The following C1orf21 variants were observed in gnomAD, a reference collection of about 807,000 sequenced individuals.
The protein encoded by C1orf21 is uncharacterized protein C1orf21.
A neutral mutation model predicts 18.7 loss-of-function variants in C1orf21; 3 were observed. That is an observed-to-expected ratio of 0.16 (90% CI 0.07 to 0.42). The LOEUF (loss-of-function observed/expected upper bound fraction) is 0.42. Ranked by LOEUF, C1orf21 falls within the 10% of genes least tolerant of loss-of-function variation. The pLI is 0.99. For missense variants in C1orf21, 104 were observed against 143.6 expected (o/e 0.72, Z 1.41); for synonymous variants, 41 against 46.4 (o/e 0.88, Z 0.47).
At chr1:184,447,641 C>G (rs1416210454) in intron 1 of C1orf21, among the ~76,000 whole-genome samples, 1 of 152,196 alleles carries the variant, frequency 6.6e-6, no homozygotes, top group African/African-American at 2.4e-5. Flanking sequence ...AAATATTCAT[C>G]AAACTCTTGG....
At chr1:184,617,760 G>A (rs891335889) in intron 5 of C1orf21, among the ~76,000 whole-genome samples, 38 of 152,136 alleles carry the variant, frequency 2.5e-4, no homozygotes, top group African/African-American at 8.9e-4. Flanking sequence ...TTAGCAATCT[G>A]ATGATGGAGG....
chr1:184,438,966 T>G (rs1018395930), intron 1 of C1orf21, among the ~76,000 whole-genome samples: 8 of 152,158 alleles, frequency 5.3e-5, no homozygotes, highest in African/African-American at 1.9e-4. Flanking sequence ...ATCCCAGCAC[T>G]TTAGGAGGCC....
In C1orf21 at chr1:184,554,216, C is replaced by T. The variant is rs191720947; in HGVS notation, c.190-36523C>T. Among the ~76,000 whole-genome samples the T allele has an allele frequency of 3.1e-3, 473 of 152,260 alleles. 1 individual carries two copies. The highest frequency in any genetic ancestry group is 5.8e-3 in the Non-Finnish European group (392 of 68,016). ...TTCTTCTTGTATCTTTTCCTTCCTA[C>T]CTTGATACCAGTAATTTGTAAGGGA... On this transcript the variant is annotated intron_variant, in intron 3 of 5. Transcript: ENST00000235307.
In C1orf21 at chr1:184,462,646, T is replaced by G. The variant is rs1000817427; in HGVS notation, c.-124-14740T>G. The stretch of plus-strand genomic sequence containing the variant: ...AAAGCAGCTGCTATTCATATTTTTT[T>G]GGGGGGGAATACAGGGAAATATAAA... On this transcript the variant is annotated intron_variant, in intron 1 of 5. Coordinates refer to ENST00000235307, the MANE Select transcript of C1orf21 (RefSeq NM_030806.4). Among the ~76,000 whole-genome samples, 8 of 152,036 alleles carry G rather than the reference T, an allele frequency of 5.3e-5. No homozygotes were observed. The East Asian group carries it at 5.8e-4, about 11-fold the overall frequency.
intron 3 of C1orf21, chr1:184,566,364 A>G (rs1377282981): frequency 6.5e-6 from 1 of 153,636 alleles, no homozygotes; most frequent in Non-Finnish European, 1.4e-5. Context: ...TGAAGAAACC[A>G]AGTGACACGC....
chr1:184,455,093 T>A (rs1430286846), intron 1 of C1orf21, among the ~76,000 whole-genome samples: 44 of 152,176 alleles, frequency 2.9e-4, no homozygotes, highest in Non-Finnish European at 1.0e-4. Context: ...TGATCAGTTC[T>A]GTCCAAAGTG....
chr1:184,436,449 G>A (rs996882244), intron 1 of C1orf21, among the ~76,000 whole-genome samples: 7 of 151,890 alleles, frequency 4.6e-5, no homozygotes, highest in Admixed American at 1.3e-4. Flanking sequence ...GGCAGCCCAC[G>A]AGACACATTC....
chr1:184,437,983 G>A (rs1250416703), intron 1 of C1orf21, among the ~76,000 whole-genome samples: 1 of 152,150 alleles, frequency 6.6e-6, no homozygotes, highest in Non-Finnish European at 1.5e-5. Flanking sequence ...TCATCTGACA[G>A]GAGGCAGAAC....
chr1:184,489,990 C>T (rs144760588), intron 2 of C1orf21, among the ~76,000 whole-genome samples: 1 of 152,198 alleles, frequency 6.6e-6, no homozygotes, highest in African/African-American at 2.4e-5. Flanking sequence ...ATGTTTCCAT[C>T]TCCAGAAGGC....
chr1:184,628,544 T>G lies in C1orf21; in HGVS notation c.*8988T>G, dbSNP rs996456844. On this transcript the variant is annotated 3_prime_UTR_variant, in exon 6 of 6. Coordinates refer to ENST00000235307, the MANE Select transcript of C1orf21 (RefSeq NM_030806.4). The stretch of plus-strand genomic sequence containing the variant: ...TTTGGCCTGCAGAATAAGAAAGTCC[T>G]AAGGCAGAATCCCCAGGAACTTCAA... 7 of 152,466 alleles carry G rather than the reference T, an allele frequency of 4.6e-5. No individual in the cohort carries two copies. Among genetic ancestry groups the G allele is most frequent in the African/African-American group, 9.7e-5 (4 of 41,418 alleles). 9.4% of individuals were successfully genotyped at this position (152,466 alleles called of 1,614,324 possible).
chr1:184,617,917 T>TG (rs1659854703), intron 5 of C1orf21, among the ~76,000 whole-genome samples: 1 of 147,246 alleles, frequency 6.8e-6, no homozygotes, highest in Admixed American at 6.8e-5. Flanking sequence ...TTTTTTTTTT[T>TG]TTTTTTTTTT....
rs549263521 is a variant in C1orf21, at chr1:184,392,593, T to A, written c.-125+5225T>A. 6.6e-5 allele frequency among the ~76,000 whole-genome samples: 10 copies of A among 151,978 alleles called. No homozygotes were observed. The South Asian group carries it at 1.0e-3, about 16-fold the overall frequency. ...CACTCCTATCATCTAAATCTAAATTTAAAAAAAATAATAACTGAAGTAAAG... is the reference window on the plus strand; with the variant it reads ...CACTCCTATCATCTAAATCTAAATTAAAAAAAAATAATAACTGAAGTAAAG... On this transcript the variant is annotated intron_variant, in intron 1 of 5. Transcript: ENST00000235307.
chr1:184,442,524 G>C (rs1656964548), intron 1 of C1orf21, among the ~76,000 whole-genome samples: 1 of 152,200 alleles, frequency 6.6e-6, no homozygotes, highest in Non-Finnish European at 1.5e-5. Flanking sequence ...CTGTCTTTTA[G>C]AATAGGCAGA....
intron 1 of C1orf21, among the ~76,000 whole-genome samples, chr1:184,458,077 T>A (rs1004004871): frequency 6.6e-6 from 1 of 152,132 alleles, no homozygotes; most frequent in Non-Finnish European, 1.5e-5. Flanking sequence ...TGGTACATAG[T>A]AGAGCCTGAT....
intron 1 of C1orf21, among the ~76,000 whole-genome samples, chr1:184,427,717 T>G (rs999344576): frequency 1.3e-5 from 2 of 152,224 alleles, no homozygotes; most frequent in Admixed American, 6.5e-5. Flanking sequence ...TAGGTTGAAG[T>G]AACTCTGCCT....
chr1:184,481,018 C>T (rs1293474052), intron 2 of C1orf21, among the ~76,000 whole-genome samples: 1 of 152,216 alleles, frequency 6.6e-6, no homozygotes, highest in Non-Finnish European at 1.5e-5. Flanking sequence ...AGTTTCTGCC[C>T]TGGAGCTTCA....
At chr1:184,485,301 G>A (rs1328996058) in intron 2 of C1orf21, among the ~76,000 whole-genome samples, 4 of 151,914 alleles carry the variant, frequency 2.6e-5, no homozygotes, top group Non-Finnish European at 5.9e-5. Context: ...ATATAAAATA[G>A]CTTATTAATA....
intron 2 of C1orf21, among the ~76,000 whole-genome samples, chr1:184,486,049 C>T (rs924963413): frequency 6.6e-6 from 1 of 152,154 alleles, no homozygotes; most frequent in South Asian, 2.1e-4. Flanking sequence ...AGCTGAGCCT[C>T]AGAAAGGTCT....
intron 2 of C1orf21, among the ~76,000 whole-genome samples, chr1:184,503,025 C>T (rs944068243): frequency 6.9e-6 from 1 of 145,752 alleles, no homozygotes; most frequent in African/African-American, 2.6e-5. Context: ...TTGCAGTGAG[C>T]CGTGATCATG....
Sources: allele counts gnomAD v4.1 joint callset (sites outside exome capture counted in the v4.1 genomes callset), GRCh38; gene constraint gnomAD v4.1.1; transcripts MANE v1.5; gene names NCBI Gene and HGNC (gene_info 2026-07-23, HGNC 2026-07-21).